The following THSD4 variants were observed in gnomAD, a reference collection of about 807,000 sequenced individuals.
THSD4 encodes thrombospondin type-1 domain-containing protein 4.
Under a neutral mutation model 119.0 loss-of-function variants are expected in THSD4, and 69 were observed. The observed-to-expected ratio is 0.58, with a 90% CI of 0.48 to 0.71. The LOEUF (loss-of-function observed/expected upper bound fraction) is 0.71, where lower values mean the gene tolerates loss of function less well. Ranked by LOEUF, THSD4 falls within the 30% of genes least tolerant of loss-of-function variation. THSD4 has a pLI of 0.00. For missense variants in THSD4, 1,393 were observed against 1,391.1 expected (o/e 1.00, Z -0.02); for synonymous variants, 524 against 540.4 (o/e 0.97, Z 0.42).
intron 10 of THSD4, among the ~76,000 whole-genome samples, chr15:71,735,872 TTCTGTC>T (rs532443221): frequency 8.1e-6 from 1 of 123,334 alleles, no homozygotes; most frequent in Non-Finnish European, 1.7e-5. Flanking sequence ...CTCTGTTGCT[TTCTGTC>T]TCTGTCTCTC....
chr15:71,164,656 A>C, intron 3 of THSD4: 1 of 1,507,378 alleles, frequency 6.6e-7, no homozygotes, highest in Non-Finnish European at 8.8e-7. Context: ...GTACAGTTTA[A>C]AAACAAATCT....
intron 7 of THSD4, among the ~76,000 whole-genome samples, chr15:71,501,136 A>G (rs1463207395): frequency 6.6e-6 from 1 of 152,142 alleles, no homozygotes; most frequent in East Asian, 1.9e-4. Flanking sequence ...GTCCAGCGCA[A>G]TTCTTTATAT....
In THSD4 at chr15:71,388,049, A is replaced by G. The variant is rs140483538; in HGVS notation, c.1016-23638A>G. 1.5e-4 allele frequency among the ~76,000 whole-genome samples: 23 copies of G among 152,364 alleles called. No individual in the cohort carries two copies. In the East Asian group the frequency reaches 2.3e-3, roughly 15 times the overall value. On this transcript the variant is annotated intron_variant, in intron 6 of 17. Coordinates refer to ENST00000261862, the MANE Select transcript of THSD4 (RefSeq NM_024817.3). ...TTAACTGCTTTTGTGGTTTACACAC[A>G]TAAACAGAAGACAAATCAAAACTAC...
intron 7 of THSD4, among the ~76,000 whole-genome samples, chr15:71,426,191 C>A (rs113651322): frequency 1.3e-5 from 2 of 152,208 alleles, no homozygotes; most frequent in Non-Finnish European, 2.9e-5. Context: ...CACCTCTTCC[C>A]CCAGCTGGGA....
chr15:71,122,827 G>A (rs752281262), intron 1 of THSD4, among the ~76,000 whole-genome samples: 2 of 152,124 alleles, frequency 1.3e-5, no homozygotes, highest in Non-Finnish European at 2.9e-5. Context: ...TGTTCAATTT[G>A]CTGATGTTTA....
chr15:71,595,185 C>T (rs1326835276), intron 7 of THSD4, among the ~76,000 whole-genome samples: 1 of 152,128 alleles, frequency 6.6e-6, no homozygotes, highest in Non-Finnish European at 1.5e-5. Flanking sequence ...TGGAAAGGTA[C>T]TATGAGTGGA....
rs144109859 is a variant in THSD4 at position 71,677,076 on chromosome 15, A to G, written c.1357+16342A>G. 2.1e-3 allele frequency among the ~76,000 whole-genome samples: 325 copies of G among 152,328 alleles called. 3 individuals carry two copies. The highest frequency in any genetic ancestry group is 9.1e-3 in the South Asian group (44 of 4,824). On this transcript the variant is annotated intron_variant, in intron 8 of 17. Transcript: ENST00000261862. ...ATTTTATCTTCCAACCAGAGTTTCAATGTCTCCACATTCTCGCCAACACTT... is the reference window on the plus strand; with the variant it reads ...ATTTTATCTTCCAACCAGAGTTTCAGTGTCTCCACATTCTCGCCAACACTT...
At chr15:71,547,088 C>G in intron 7 of THSD4, 1 of 561,720 alleles carries the variant, frequency 1.8e-6, no homozygotes, top group Non-Finnish European at 2.4e-6. Flanking sequence ...ATGAATGAGA[C>G]CAGATGCAGA....
intron 2 of THSD4, among the ~76,000 whole-genome samples, chr15:71,142,644 C>T (rs746639898): frequency 3.9e-4 from 59 of 152,252 alleles, no homozygotes; most frequent in Non-Finnish European, 7.6e-4. Flanking sequence ...GCTGTTTTAG[C>T]TGTGTAGCAT....
chr15:71,592,336 G>T (rs2049823097), intron 7 of THSD4, among the ~76,000 whole-genome samples: 1 of 152,180 alleles, frequency 6.6e-6, no homozygotes, highest in South Asian at 2.1e-4. Flanking sequence ...GGACGCAGTG[G>T]CAGGGAGAAG....
At chr15:71,181,427 AATGTTGCAGAAGGAGAAC>A (rs2043525476) in intron 3 of THSD4, among the ~76,000 whole-genome samples, 1 of 152,234 alleles carries the variant, frequency 6.6e-6, no homozygotes, top group African/African-American at 2.4e-5. Flanking sequence ...GGCCCTTTAC[AATGTTGCAGAAGGAGAAC>A]ATCTTCAGGC....
At chr15:71,243,781 CTTTTT>C (rs34842560) in intron 5 of THSD4, among the ~76,000 whole-genome samples, 1 of 104,946 alleles carries the variant, frequency 9.5e-6, no homozygotes, top group Non-Finnish European at 1.8e-5. Context: ...GTGCTCAGCA[CTTTTT>C]TTTTTTTTTT....
At chr15:71,664,412 C>T (rs954944212) in intron 8 of THSD4, among the ~76,000 whole-genome samples, 2 of 151,786 alleles carry the variant, frequency 1.3e-5, no homozygotes, top group Admixed American at 6.6e-5. Flanking sequence ...ATAACTGATT[C>T]CCCAGTAACA....
chr15:71,699,045 G>A (rs2052228486), intron 8 of THSD4, among the ~76,000 whole-genome samples: 1 of 152,150 alleles, frequency 6.6e-6, no homozygotes, highest in African/African-American at 2.4e-5. Context: ...ACTTAAAAAT[G>A]TGTTAAAAGA....
chr15:71,727,546 AAAAAAAAATATAT>A (rs1290772706), intron 8 of THSD4, among the ~76,000 whole-genome samples: 13 of 100,792 alleles, frequency 1.3e-4, no homozygotes, highest in African/African-American at 4.8e-4. Context: ...AAAAAAAAAA[AAAAAAAAATATAT>A]ATATATATAT....
intron 8 of THSD4, among the ~76,000 whole-genome samples, chr15:71,704,297 C>A (rs928434225): frequency 6.6e-6 from 1 of 152,236 alleles, no homozygotes; most frequent in African/African-American, 2.4e-5. Context: ...TATGTCCCCA[C>A]CCAAATCTCA....
Position 71,447,109 on chromosome 15 carries a change from A to ATTTTTTTTTTTTTT in THSD4, c.1152+35294_1152+35295insTTTTTTTTTTTTTT. 2.9e-5 allele frequency among the ~76,000 whole-genome samples: 2 copies of ATTTTTTTTTTTTTT among 69,486 alleles called. 1 individual carries two copies. Among genetic ancestry groups the ATTTTTTTTTTTTTT allele is most frequent in the African/African-American group, 1.1e-4 (2 of 18,168 alleles). The allele number at this position is 69,486 out of a possible 152,430, so 45.6% of individuals were successfully genotyped here. On this transcript the variant is annotated intron_variant, in intron 7 of 17. Transcript: ENST00000261862. ...TGTCCTCTGTTGCCCTCTTCCCTCC[A>ATTTTTTTTTTTTTT]TTTTTTTTGTTTTTTTTTTTTTTTT...
chr15:71,667,818 C>G (rs1244208974), intron 8 of THSD4, among the ~76,000 whole-genome samples: 1 of 152,136 alleles, frequency 6.6e-6, no homozygotes, highest in Non-Finnish European at 1.5e-5. Flanking sequence ...TTCATACAAA[C>G]TCCACACTTG....
chr15:71,484,762 T>C (rs1337071885), intron 7 of THSD4, among the ~76,000 whole-genome samples: 1 of 152,216 alleles, frequency 6.6e-6, no homozygotes, highest in Non-Finnish European at 1.5e-5. Flanking sequence ...CGTGGCCATC[T>C]GGAGTTTGTG....
Sources: gnomAD v4.1 joint callset for allele counts (sites outside exome capture counted in the v4.1 genomes callset) on GRCh38, gnomAD v4.1.1 for gene constraint, MANE v1.5 for transcripts, NCBI Gene and HGNC (gene_info 2026-07-23, HGNC 2026-07-21) for gene names.